NMNAT3: variants seen among roughly 807,000 people sequenced by gnomAD.
The protein encoded by NMNAT3 is nicotinamide/nicotinic acid mononucleotide adenylyltransferase 3.
In NMNAT3, 21 loss-of-function variants were observed where a neutral mutation model predicts 24.8. That is an observed-to-expected ratio of 0.85 (90% CI 0.60 to 1.22). The LOEUF (loss-of-function observed/expected upper bound fraction) is 1.22, where lower values mean the gene tolerates loss of function less well. NMNAT3 is among the 50% of genes most tolerant of loss of function. NMNAT3 has a pLI of 0.00. For missense variants in NMNAT3, 387 were observed against 436.6 expected (o/e 0.89, Z 1.01); for synonymous variants, 136 against 155.2 (o/e 0.88, Z 0.92).
At chr3:139,639,652 G>A (rs916277349) in intron 1 of NMNAT3, among the ~76,000 whole-genome samples, 4 of 152,204 alleles carry the variant, frequency 2.6e-5, no homozygotes, top group Non-Finnish European at 4.4e-5. Flanking sequence ...CTCAGAAAAT[G>A]GCACAAGAAA....
chr3:139,647,092 T>G (rs952621259), intron 1 of NMNAT3, among the ~76,000 whole-genome samples: 17 of 152,232 alleles, frequency 1.1e-4, no homozygotes, highest in African/African-American at 3.9e-4. Context: ...CTCAATTTCC[T>G]TCTAGCTAGG....
chr3:139,599,361 A>C (rs1325575290), intron 3 of NMNAT3: 2 of 702,360 alleles, frequency 2.8e-6, no homozygotes, highest in African/African-American at 3.5e-5. Flanking sequence ...GGGCACAAGC[A>C]CAGTCTGGCC....
At chr3:139,665,016 A>T (rs1457554643) in intron 1 of NMNAT3, among the ~76,000 whole-genome samples, 2 of 152,160 alleles carry the variant, frequency 1.3e-5, no homozygotes, top group African/African-American at 4.8e-5. Context: ...TTTCAATGAT[A>T]TCTTAGTACT....
At chr3:139,653,852 C>A (rs2057142635) in intron 1 of NMNAT3, among the ~76,000 whole-genome samples, 1 of 152,232 alleles carries the variant, frequency 6.6e-6, no homozygotes, top group Non-Finnish European at 1.5e-5. Context: ...GGCGTGGCAG[C>A]ATTTCAGAGC....
chr3:139,635,152 A>G (rs2056453538), intron 2 of NMNAT3: 1 of 152,184 alleles, frequency 6.6e-6, no homozygotes, highest in African/African-American at 2.4e-5. Context: ...GTCACTCCCT[A>G]TACCAGCTTC....
intron 3 of NMNAT3, among the ~76,000 whole-genome samples, chr3:139,618,194 T>A (rs1270774543): frequency 6.6e-6 from 1 of 152,080 alleles, no homozygotes; most frequent in Non-Finnish European, 1.5e-5. Context: ...AGTAAAGGAG[T>A]GTGAAAAAAA....
At chr3:139,653,307 C>T (rs529273976) in intron 1 of NMNAT3, among the ~76,000 whole-genome samples, 2 of 151,850 alleles carry the variant, frequency 1.3e-5, no homozygotes, top group East Asian at 3.9e-4. Flanking sequence ...TGGAATAATG[C>T]AAAAGGTGAT....
chr3:139,602,186 C>A (rs1037394095), intron 3 of NMNAT3, among the ~76,000 whole-genome samples: 2 of 152,116 alleles, frequency 1.3e-5, no homozygotes, highest in African/African-American at 4.8e-5. Flanking sequence ...TTGCATTATT[C>A]ATGTTAAGAC....
rs1338604554 is a variant in NMNAT3 at position 139,564,672 on chromosome 3, G to A, written c.659-3280C>T. On this transcript the variant is annotated intron_variant, in intron 6 of 6. Coordinates refer to ENST00000643695, the MANE Select transcript of NMNAT3 (RefSeq NM_001320510.2). ...AGCCAGAAATTGCCGAGCTCATCAC[G>A]TAATTTGCAACCCCAGAGTATAACA... Among the ~76,000 whole-genome samples the A allele has an allele frequency of 2.6e-5, 4 of 152,218 alleles. No individual in the cohort carries two copies. The East Asian group carries it at 5.8e-4, about 22-fold the overall frequency.
At chr3:139,620,286 G>A (rs1038745369) in intron 3 of NMNAT3, among the ~76,000 whole-genome samples, 1 of 147,824 alleles carries the variant, frequency 6.8e-6, no homozygotes, top group Non-Finnish European at 1.5e-5. Context: ...GGGTATATTT[G>A]ATAGGTTTTG....
intron 1 of NMNAT3, among the ~76,000 whole-genome samples, chr3:139,673,584 G>GCGGC (rs2057827381): frequency 1.3e-5 from 2 of 151,982 alleles, no homozygotes; most frequent in Non-Finnish European, 2.9e-5. Flanking sequence ...CCTTCCACAT[G>GCGGC]CGGCCCTGAC....
chr3:139,651,885 C>T (rs2057066958), intron 1 of NMNAT3, among the ~76,000 whole-genome samples: 1 of 152,178 alleles, frequency 6.6e-6, no homozygotes, highest in African/African-American at 2.4e-5. Context: ...AGTCAGTGTT[C>T]CTCTGAATGC....
chr3:139,579,234 G>C (rs958284767), intron 4 of NMNAT3, among the ~76,000 whole-genome samples, 179 bp from the exon 5 acceptor site: 2 of 152,180 alleles, frequency 1.3e-5, no homozygotes, highest in African/African-American at 4.8e-5. Flanking sequence ...CACTACCTTA[G>C]TGAACATGTG....
chr3:139,638,713 T>A (rs949139035), intron 1 of NMNAT3, among the ~76,000 whole-genome samples: 1 of 152,192 alleles, frequency 6.6e-6, no homozygotes, highest in Non-Finnish European at 1.5e-5. Context: ...CTAGCCTGTC[T>A]TTTTTCCAGT....
chr3:139,652,557 T>C (rs1177792349), intron 1 of NMNAT3, among the ~76,000 whole-genome samples: 2 of 152,022 alleles, frequency 1.3e-5, no homozygotes, highest in African/African-American at 4.8e-5. Flanking sequence ...CCTCAGGACC[T>C]GGGTATGAGC....
At chr3:139,599,143 G>T (rs374904168) in intron 3 of NMNAT3, 4 of 566,822 alleles carry the variant, frequency 7.1e-6, no homozygotes, top group East Asian at 2.8e-5. Context: ...TATTTCCACA[G>T]AGAATGGCTT....
intron 3 of NMNAT3, among the ~76,000 whole-genome samples, chr3:139,592,679 A>G (rs1449649831): frequency 2.0e-5 from 3 of 152,114 alleles, no homozygotes; most frequent in East Asian, 3.9e-4. Context: ...ATTCTTAAAG[A>G]AAAGAATTTT....
intron 1 of NMNAT3, among the ~76,000 whole-genome samples, chr3:139,657,439 T>C (rs2057282645): frequency 6.6e-6 from 1 of 152,232 alleles, no homozygotes; most frequent in Non-Finnish European, 1.5e-5. Context: ...AATTACTCTT[T>C]CTTCTCTAGC....
At chr3:139,579,100 C>T in intron 4 of NMNAT3, 45 bp from the exon 5 acceptor site, 3 of 1,528,882 alleles carry the variant, frequency 2.0e-6, no homozygotes, top group African/African-American at 2.7e-5. Flanking sequence ...GACAGATGCT[C>T]ACCACCTGGC....
Sources: allele counts gnomAD v4.1 joint callset (sites outside exome capture counted in the v4.1 genomes callset), GRCh38; gene constraint gnomAD v4.1.1; transcripts MANE v1.5; gene names NCBI Gene and HGNC (gene_info 2026-07-23, HGNC 2026-07-21).